The following LRRIQ3 variants were observed in gnomAD, a reference collection of about 807,000 sequenced individuals.
LRRIQ3 encodes leucine-rich repeat and IQ domain-containing protein 3.
A neutral mutation model predicts 59.3 loss-of-function variants in LRRIQ3; 75 were observed. That is an observed-to-expected ratio of 1.26 (90% CI 1.05 to 1.53). LRRIQ3 has a LOEUF of 1.53. LRRIQ3 is among the 40% of genes most tolerant of loss of function. The pLI, the probability that LRRIQ3 is intolerant of heterozygous loss-of-function variation, is 0.00. For missense variants in LRRIQ3, 831 were observed against 710.0 expected (o/e 1.17, Z -1.94); for synonymous variants, 250 against 231.3 (o/e 1.08, Z -0.73).
In LRRIQ3 at chr1:74,054,375, G is replaced by A. The variant is rs1654459439; in HGVS notation, c.998-12442C>T. On this transcript the variant is annotated intron_variant, in intron 6 of 7. Coordinates refer to ENST00000354431, the MANE Select transcript of LRRIQ3 (RefSeq NM_001105659.2). The stretch of plus-strand genomic sequence containing the variant: ...AAACATCAGTGGTAGCCAGGGATAA[G>A]GTGGGGAGGATAGGATGAATAAGGA... Among the ~76,000 whole-genome samples the A allele has an allele frequency of 2.0e-5, 3 of 152,130 alleles. No homozygotes were observed. In the South Asian group the frequency reaches 6.2e-4, roughly 32 times the overall value.
chr1:74,088,531 A>G (rs1646356687), intron 5 of LRRIQ3, among the ~76,000 whole-genome samples: 1 of 152,088 alleles, frequency 6.6e-6, no homozygotes. Flanking sequence ...AATATAGTCA[A>G]TTGAATTCTG....
At chr1:74,170,046 T>C (rs529645635) in intron 3 of LRRIQ3, among the ~76,000 whole-genome samples, 1 of 152,300 alleles carries the variant, frequency 6.6e-6, no homozygotes, top group South Asian at 2.1e-4. Context: ...GCTATTAAGG[T>C]ATAAGAGTTC....
At chr1:74,099,748 C>T (rs1227444460) in intron 5 of LRRIQ3, among the ~76,000 whole-genome samples, 1 of 152,132 alleles carries the variant, frequency 6.6e-6, no homozygotes, top group Non-Finnish European at 1.5e-5. Flanking sequence ...AAGGCTGGAA[C>T]AACATATGCA....
At chr1:74,195,890 C>T (rs1651083838) in intron 1 of LRRIQ3, among the ~76,000 whole-genome samples, 2 of 152,078 alleles carry the variant, frequency 1.3e-5, no homozygotes, top group Admixed American at 1.3e-4. Context: ...AGTCATATCA[C>T]ACTGTTTTAT....
intron 4 of LRRIQ3, among the ~76,000 whole-genome samples, chr1:74,144,770 G>T (rs368728441): frequency 6.6e-6 from 1 of 151,178 alleles, no homozygotes; most frequent in African/African-American, 2.4e-5. Context: ...GGCTATATCA[G>T]ATTTTTCCTG....
At chr1:74,086,244 TCCTAAG>T (rs1318190388) in intron 5 of LRRIQ3, among the ~76,000 whole-genome samples, 4 of 152,134 alleles carry the variant, frequency 2.6e-5, no homozygotes, top group Admixed American at 6.6e-5. Flanking sequence ...TTGAGCCATT[TCCTAAG>T]CCTCTATTCT....
Position 74,139,470 on chromosome 1 carries a change from A to G in LRRIQ3, c.707+16263T>C, listed in dbSNP as rs866745748. On this transcript the variant is annotated intron_variant, in intron 4 of 7. Coordinates refer to ENST00000354431, the MANE Select transcript of LRRIQ3 (RefSeq NM_001105659.2). ...CTCACCAAATTCTCTAATCCTCTGT[A>G]TTGTACCCATAAATACCTTTATCTG... 1.5e-4 allele frequency among the ~76,000 whole-genome samples: 23 copies of G among 151,970 alleles called. No individual in the cohort carries two copies. The Middle Eastern group carries it at 0.01, about 67-fold the overall frequency.
chr1:74,062,783 A>G (rs1654760633), intron 6 of LRRIQ3, among the ~76,000 whole-genome samples: 1 of 152,096 alleles, frequency 6.6e-6, no homozygotes, highest in African/African-American at 2.4e-5. Context: ...CTAAACATCA[A>G]GTATATATGG....
At chr1:74,189,610 A>G (rs192485356) in intron 1 of LRRIQ3, among the ~76,000 whole-genome samples, 32 of 152,226 alleles carry the variant, frequency 2.1e-4, no homozygotes, top group African/African-American at 7.5e-4. Context: ...CATAATTTCC[A>G]CTTGCTGTGG....
rs1172399252 is a variant in LRRIQ3 at position 74,026,386 on chromosome 1, A to C, written c.*427T>G. On this transcript the variant is annotated 3_prime_UTR_variant, in exon 8 of 8. Transcript: ENST00000354431. ...TTAACAAAATAAGCAGGAAATATAT[A>C]AAAGCAGGTAATAAAAGTCATCAAC... is the stretch of plus-strand genomic sequence containing the variant. 2 of 152,342 alleles carry C rather than the reference A, an allele frequency of 1.3e-5. No individual in the cohort carries two copies. The highest frequency in any genetic ancestry group is 1.5e-5 in the Non-Finnish European group (1 of 68,148). The allele number at this position is 152,342 out of a possible 1,614,324, so 9.4% of individuals were successfully genotyped here. A position where few individuals can be genotyped will look rare whatever the true frequency, so the allele number is the denominator to read the frequency against.
chr1:74,034,475 T>C (rs1653808998), intron 7 of LRRIQ3, among the ~76,000 whole-genome samples: 1 of 151,944 alleles, frequency 6.6e-6, no homozygotes, highest in South Asian at 2.1e-4. Flanking sequence ...AAAAATTAAT[T>C]ATGGCCAGAT....
chr1:74,191,510 C>T lies in LRRIQ3; in HGVS notation c.-1+6486G>A, dbSNP rs115009286. 4.7e-3 allele frequency among the ~76,000 whole-genome samples: 717 copies of T among 152,086 alleles called. 5 individuals are homozygous for T. The highest frequency in any genetic ancestry group is 8.4e-3 in the Non-Finnish European group (570 of 67,980). ...ACATTCTTTTCAAGCTCACATGGAG[C>T]ATTCACTCACCAAGACAGACCACAT... On this transcript the variant is annotated intron_variant, in intron 1 of 7. Coordinates refer to ENST00000354431, the MANE Select transcript of LRRIQ3 (RefSeq NM_001105659.2).
At chr1:74,088,379 T>G (rs1350951912) in intron 5 of LRRIQ3, among the ~76,000 whole-genome samples, 1 of 152,058 alleles carries the variant, frequency 6.6e-6, no homozygotes, top group Non-Finnish European at 1.5e-5. Context: ...AATAACAAAC[T>G]ATACCATTGA....
chr1:74,078,496 T>C (rs1020672358), intron 5 of LRRIQ3, among the ~76,000 whole-genome samples: 8 of 151,910 alleles, frequency 5.3e-5, no homozygotes, highest in Admixed American at 3.9e-4. Context: ...ATCACTGGGA[T>C]ACTTGGTGGT....
chr1:74,032,334 A>C (rs1352188916), intron 7 of LRRIQ3, among the ~76,000 whole-genome samples: 1 of 152,050 alleles, frequency 6.6e-6, no homozygotes, highest in Non-Finnish European at 1.5e-5. Flanking sequence ...GGCTTACAAC[A>C]ACCACCTTAT....
At chr1:74,071,278 T>C (rs941210327) in intron 6 of LRRIQ3, among the ~76,000 whole-genome samples, 15 of 152,158 alleles carry the variant, frequency 9.9e-5, no homozygotes, top group Middle Eastern at 6.8e-3. Flanking sequence ...GTGTTCCTCC[T>C]ACCTTGGCCT....
chr1:74,086,323 T>A (rs1465652324), intron 5 of LRRIQ3, among the ~76,000 whole-genome samples: 1 of 152,126 alleles, frequency 6.6e-6, no homozygotes, highest in Non-Finnish European at 1.5e-5. Flanking sequence ...GTGTCTGGGA[T>A]TTGATACCTG....
chr1:74,087,381 C>CTTTTTTTTTTTTTTTTT (rs57068994), intron 5 of LRRIQ3, among the ~76,000 whole-genome samples: 8 of 59,010 alleles, frequency 1.4e-4, no homozygotes, highest in African/African-American at 5.8e-4. Flanking sequence ...AAAATTTTAT[C>CTTTTTTTTTTTTTTTTT]TTTTTTTTTT....
rs550767779 is a variant in LRRIQ3, at chr1:74,083,092, G to A, written c.868-8302C>T. 7 of 151,470 alleles carry A rather than the reference G, an allele frequency of 4.6e-5. No homozygotes were observed. In the South Asian group the frequency reaches 1.5e-3, roughly 31 times the overall value. The allele number at this position is 151,470 out of a possible 1,614,324, so 9.4% of individuals were successfully genotyped here. A position where few individuals can be genotyped will look rare whatever the true frequency, so the allele number is the denominator to read the frequency against. On this transcript the variant is annotated intron_variant, in intron 5 of 7. Transcript: ENST00000354431. The stretch of plus-strand genomic sequence containing the variant: ...TATCAAATGATGGATTATATAACAA[G>A]GCAGAAAATACACACACACAAACAC...
Sources: gnomAD v4.1 joint callset for allele counts (sites outside exome capture counted in the v4.1 genomes callset) on GRCh38, gnomAD v4.1.1 for gene constraint, MANE v1.5 for transcripts, NCBI Gene and HGNC (gene_info 2026-07-23, HGNC 2026-07-21) for gene names.